VTI1A: variants seen among roughly 807,000 people sequenced by gnomAD.
VTI1A encodes vesicle transport through interaction with t-SNAREs homolog 1A.
A neutral mutation model predicts 34.9 loss-of-function variants in VTI1A; 22 were observed. That is an observed-to-expected ratio of 0.63 (90% CI 0.45 to 0.90). The LOEUF (loss-of-function observed/expected upper bound fraction) is 0.90, where lower values mean the gene tolerates loss of function less well. Ranked by LOEUF, VTI1A falls within the 40% of genes least tolerant of loss-of-function variation. The pLI is 0.00. For synonymous variants in VTI1A, 87 were observed against 97.3 expected (o/e 0.89, Z 0.62); for missense variants, 268 against 275.6 (o/e 0.97, Z 0.20).
chr10:112,816,232 C>T lies in VTI1A; in HGVS notation c.*849C>T, dbSNP rs777460025. 2.3e-5 allele frequency: 5 copies of T among 215,340 alleles called. No individual in the cohort carries two copies. The highest frequency in any genetic ancestry group is 4.7e-5 in the Non-Finnish European group (5 of 106,890). The allele number at this position is 215,340 out of a possible 1,614,324, so 13.3% of individuals were successfully genotyped here. A position where few individuals can be genotyped will look rare whatever the true frequency, so the allele number is the denominator to read the frequency against. ...CTGCCAAAAGCAGTCCTCATACTTG[C>T]AAAAGGTCTGACAAGGTTCTCTCCA... On this transcript the variant is annotated 3_prime_UTR_variant, in exon 8 of 8. Transcript: ENST00000393077.
intron 7 of VTI1A, among the ~76,000 whole-genome samples, chr10:112,762,919 G>T (rs527268044): frequency 2.0e-5 from 3 of 152,192 alleles, no homozygotes; most frequent in East Asian, 1.9e-4. Flanking sequence ...ACAACCAAAA[G>T]ATCTGGGCCA....
rs1337699163 is a variant in VTI1A at position 112,763,290 on chromosome 10, A to G, written c.561-52000A>G. Among the ~76,000 whole-genome samples the G allele has an allele frequency of 2.0e-5, 3 of 152,064 alleles. No homozygotes were observed. In the East Asian group the frequency reaches 5.8e-4, roughly 29 times the overall value. ...CCTGTCTGTACTAAAAATACAAAAA[A>G]TTAGCCGGGCATGGTGGCAGGCGCC... On this transcript the variant is annotated intron_variant, in intron 7 of 7. Coordinates refer to ENST00000393077, the MANE Select transcript of VTI1A (RefSeq NM_145206.4).
intron 5 of VTI1A, among the ~76,000 whole-genome samples, chr10:112,574,365 G>A (rs1852255111): frequency 6.6e-6 from 1 of 152,176 alleles, no homozygotes; most frequent in African/African-American, 2.4e-5. Flanking sequence ...TTGTTCCACT[G>A]TTCTTATTTT....
In VTI1A at chr10:112,596,856, C is replaced by T. The variant is rs557226384; in HGVS notation, c.427+58526C>T. ...TATTTACATAAGAACTCTTCTAAACCCTTTTGTGTCAAGTTTGTGGTATAC... is the reference window on the plus strand; with the variant it reads ...TATTTACATAAGAACTCTTCTAAACTCTTTTGTGTCAAGTTTGTGGTATAC... On this transcript the variant is annotated intron_variant, in intron 5 of 7. Coordinates refer to ENST00000393077, the MANE Select transcript of VTI1A (RefSeq NM_145206.4). Among the ~76,000 whole-genome samples the T allele has an allele frequency of 3.3e-5, 5 of 152,032 alleles. No homozygotes were observed. The South Asian group carries it at 8.3e-4, about 25-fold the overall frequency.
At chr10:112,713,450 A>G (rs559701630) in intron 7 of VTI1A, among the ~76,000 whole-genome samples, 13 of 152,042 alleles carry the variant, frequency 8.6e-5, no homozygotes, top group Non-Finnish European at 1.6e-4. Flanking sequence ...TGTCAGAGAA[A>G]ACCTATAAGG....
intron 7 of VTI1A, among the ~76,000 whole-genome samples, chr10:112,728,407 G>C (rs1236028308): frequency 2.6e-5 from 4 of 152,170 alleles, no homozygotes; most frequent in Admixed American, 6.5e-5. Context: ...AACAACACAG[G>C]CCGTTTGCCC....
At chr10:112,478,633 T>C (rs1429646444) in intron 3 of VTI1A, among the ~76,000 whole-genome samples, 2 of 152,202 alleles carry the variant, frequency 1.3e-5, no homozygotes, top group Non-Finnish European at 2.9e-5. Flanking sequence ...TCTAGCACAT[T>C]TTGTTTTGTA....
At chr10:112,845,068 G>A in the VTI1A span, among the ~76,000 whole-genome samples, 3 of 152,164 alleles carry the variant, frequency 2.0e-5, no homozygotes, top group African/African-American at 4.8e-5. Flanking sequence ...ATGTCGGTTC[G>A]GGAAGAGGAC....
chr10:112,643,927 G>A (rs1846676091), intron 5 of VTI1A, among the ~76,000 whole-genome samples: 1 of 151,946 alleles, frequency 6.6e-6, no homozygotes, highest in Admixed American at 6.6e-5. Flanking sequence ...TGAATCTCAA[G>A]TGAATGGCCA....
chr10:112,535,605 C>T (rs543661092), intron 4 of VTI1A, among the ~76,000 whole-genome samples: 2 of 152,098 alleles, frequency 1.3e-5, no homozygotes, highest in South Asian at 2.1e-4. Flanking sequence ...TGCCGAGCTC[C>T]GTTTGAATCC....
chr10:112,584,411 A>C (rs746729044), intron 5 of VTI1A, among the ~76,000 whole-genome samples: 6 of 152,200 alleles, frequency 3.9e-5, no homozygotes, highest in Non-Finnish European at 8.8e-5. Flanking sequence ...AATGAGTAAG[A>C]GCACAACGAA....
chr10:112,531,061 C>CCCCA (rs748909123), intron 4 of VTI1A, among the ~76,000 whole-genome samples: 1 of 90,240 alleles, frequency 1.1e-5, no homozygotes, highest in Non-Finnish European at 2.5e-5. Context: ...ACGTGACACA[C>CCCCA]CTCACACACA....
chr10:112,691,366 T>C (rs1848610916), intron 7 of VTI1A, among the ~76,000 whole-genome samples: 1 of 152,198 alleles, frequency 6.6e-6, no homozygotes. Context: ...GATGGGAAGA[T>C]GTAGCAAGGA....
At position 112,554,043 on chromosome 10, in the gene VTI1A, G is replaced by C. The variant is rs193192841; in HGVS notation, c.427+15713G>C. 7.2e-5 allele frequency among the ~76,000 whole-genome samples: 11 copies of C among 152,254 alleles called. No individual in the cohort carries two copies. In the East Asian group the frequency reaches 1.9e-3, roughly 27 times the overall value. ...ATCTTCTAGTTTTTGTGGCAAATGA[G>C]ACTTTATTTCTCTCTTTTCCATATT... On this transcript the variant is annotated intron_variant, in intron 5 of 7. Coordinates refer to ENST00000393077, the MANE Select transcript of VTI1A (RefSeq NM_145206.4).
chr10:112,700,422 G>A (rs930729497), intron 7 of VTI1A, among the ~76,000 whole-genome samples: 3 of 152,212 alleles, frequency 2.0e-5, no homozygotes, highest in African/African-American at 7.2e-5. Context: ...AATCTATTGA[G>A]CATGAACTAT....
intron 3 of VTI1A, among the ~76,000 whole-genome samples, chr10:112,524,200 G>A (rs1394745983): frequency 3.9e-5 from 6 of 152,028 alleles, no homozygotes; most frequent in Non-Finnish European, 7.4e-5. Flanking sequence ...TCAGCTTACT[G>A]AAAATTTTAA....
At chr10:112,512,616 G>T (rs1248175790) in intron 3 of VTI1A, among the ~76,000 whole-genome samples, 2 of 152,050 alleles carry the variant, frequency 1.3e-5, no homozygotes, top group African/African-American at 2.4e-5. Context: ...TACATTCTTT[G>T]TCTAAACCGA....
chr10:112,499,863 C>G (rs1036391599), intron 3 of VTI1A, among the ~76,000 whole-genome samples: 8 of 152,172 alleles, frequency 5.3e-5, no homozygotes, highest in African/African-American at 1.9e-4. Context: ...CTGTTGCTCT[C>G]TAAATGAGGG....
intron 5 of VTI1A, among the ~76,000 whole-genome samples, chr10:112,556,320 A>C (rs1245838206): frequency 6.6e-6 from 1 of 152,036 alleles, no homozygotes. Flanking sequence ...GTTTTGCATA[A>C]CTTGAAATGT....
Sources: gnomAD v4.1 joint callset for allele counts (sites outside exome capture counted in the v4.1 genomes callset) on GRCh38, gnomAD v4.1.1 for gene constraint, MANE v1.5 for transcripts, NCBI Gene and HGNC (gene_info 2026-07-23, HGNC 2026-07-21) for gene names.